Variants in PDE11A observed in about 807,000 individuals in gnomAD.
PDE11A encodes dual 3',5'-cyclic-AMP and -GMP phosphodiesterase 11A.
Under a neutral mutation model 100.5 loss-of-function variants are expected in PDE11A, and 100 were observed. The ratio of observed to expected loss-of-function variants is 1.00; its 90% confidence interval spans 0.85 to 1.18. The LOEUF (loss-of-function observed/expected upper bound fraction) is 1.18, where lower values mean the gene tolerates loss of function less well. Among genes scored for constraint, PDE11A ranks in the 50% most tolerant of loss-of-function variants. The pLI is 0.00. For synonymous variants in PDE11A, 381 were observed against 420.8 expected (o/e 0.91, Z 1.16); for missense variants, 1,141 against 1,152.6 (o/e 0.99, Z 0.15).
chr2:178,026,695 T>A (rs2086483363), intron 1 of PDE11A, among the ~76,000 whole-genome samples: 1 of 152,086 alleles, frequency 6.6e-6, no homozygotes. Context: ...AGTAATTTTT[T>A]AAAATCTGCT....
At chr2:177,738,748 G>A (rs2081830576) in intron 10 of PDE11A, among the ~76,000 whole-genome samples, 1 of 152,118 alleles carries the variant, frequency 6.6e-6, no homozygotes, top group African/African-American at 2.4e-5. Flanking sequence ...CATATTCCAT[G>A]GTGCTTGATA....
intron 9 of PDE11A, among the ~76,000 whole-genome samples, chr2:177,805,949 T>C (rs1182405764): frequency 6.6e-6 from 1 of 152,218 alleles, no homozygotes; most frequent in African/African-American, 2.4e-5. Flanking sequence ...AAGCCTTTTA[T>C]AGACCAATAA....
chr2:177,653,068 G>T (rs975476516), intron 19 of PDE11A, among the ~76,000 whole-genome samples: 1 of 152,156 alleles, frequency 6.6e-6, no homozygotes, highest in South Asian at 2.1e-4. Flanking sequence ...CATTTTAAGG[G>T]CATCCTGCAG....
At chr2:177,823,192 C>T (rs1345077792) in intron 6 of PDE11A, among the ~76,000 whole-genome samples, 1 of 151,916 alleles carries the variant, frequency 6.6e-6, no homozygotes, top group Non-Finnish European at 1.5e-5. Context: ...ATTTATTTAC[C>T]ACCTTCTATG....
intron 1 of PDE11A, among the ~76,000 whole-genome samples, chr2:178,042,133 A>G (rs2086690099): frequency 6.6e-6 from 1 of 152,190 alleles, no homozygotes; most frequent in Admixed American, 6.5e-5. Flanking sequence ...GGCTTCACAT[A>G]CCTCATAAAT....
intron 1 of PDE11A, among the ~76,000 whole-genome samples, chr2:178,068,519 A>AT (rs1178411618): frequency 2.0e-5 from 3 of 152,008 alleles, no homozygotes; most frequent in Admixed American, 6.6e-5. Context: ...ATTCTGTGTG[A>AT]TAAAAAAAAA....
intron 2 of PDE11A, among the ~76,000 whole-genome samples, chr2:177,920,923 G>T (rs1009973551): frequency 6.6e-6 from 1 of 151,858 alleles, no homozygotes; most frequent in Non-Finnish European, 1.5e-5. Context: ...TTAGCCGGGC[G>T]TGGTGGTGGG....
intron 1 of PDE11A, among the ~76,000 whole-genome samples, chr2:178,049,928 G>T (rs574611368): frequency 6.4e-4 from 97 of 152,294 alleles, no homozygotes; most frequent in Non-Finnish European, 1.2e-3. Context: ...CTGGTGCAGG[G>T]TATAGCTGAA....
intron 2 of PDE11A, among the ~76,000 whole-genome samples, chr2:178,080,404 T>C (rs776498523): frequency 3.3e-5 from 5 of 152,210 alleles, no homozygotes; most frequent in African/African-American, 4.8e-5. Context: ...AAATAGGGAA[T>C]CCTTTCCCCA....
At chr2:177,992,677 T>C (rs2086018569) in intron 2 of PDE11A, among the ~76,000 whole-genome samples, 2 of 152,178 alleles carry the variant, frequency 1.3e-5, no homozygotes, top group Admixed American at 1.3e-4. Context: ...AAGCACTCTT[T>C]TAAGATACTT....
At chr2:177,951,400 G>A (rs2085503872) in intron 2 of PDE11A, among the ~76,000 whole-genome samples, 1 of 152,090 alleles carries the variant, frequency 6.6e-6, no homozygotes, top group African/African-American at 2.4e-5. Context: ...ACTTATCAAT[G>A]GAATTCAATG....
At chr2:177,887,040 C>T (rs1558992046) in intron 4 of PDE11A, among the ~76,000 whole-genome samples, 1 of 152,114 alleles carries the variant, frequency 6.6e-6, no homozygotes, top group Admixed American at 6.5e-5. Context: ...GAAACTGAAC[C>T]AAGCTGCCTC....
intron 1 of PDE11A, among the ~76,000 whole-genome samples, chr2:178,025,732 C>T (rs71423545): frequency 0.068 from 10,348 of 152,168 alleles, 471 homozygotes; most frequent in South Asian, 0.12. Context: ...TAAAATGCAA[C>T]CTCATGCTCT....
At chr2:178,044,829 T>A (rs909756553) in intron 1 of PDE11A, among the ~76,000 whole-genome samples, 11 of 152,196 alleles carry the variant, frequency 7.2e-5, no homozygotes, top group African/African-American at 2.7e-4. Flanking sequence ...AAACTCTCCA[T>A]TTCCCAAATT....
In PDE11A at chr2:177,927,044, A is replaced by C. The variant is rs572554211; in HGVS notation, c.1072-21857T>G. The C allele has an allele frequency of 4.6e-5, 7 of 152,316 alleles. No homozygotes were observed. In the East Asian group the frequency reaches 1.4e-3, roughly 29 times the overall value. 9.4% of individuals were successfully genotyped at this position (152,316 alleles called of 1,614,324 possible). ...TCCCCAGCAACTCCCTACTGCCTTC[A>C]GGTCAGGGCATTCCTGGACCTTCAC... On this transcript the variant is annotated intron_variant, in intron 2 of 19. Coordinates refer to ENST00000286063, the MANE Select transcript of PDE11A (RefSeq NM_016953.4).
chr2:177,847,573 C>T (rs564006680), intron 5 of PDE11A, among the ~76,000 whole-genome samples: 6 of 152,286 alleles, frequency 3.9e-5, no homozygotes, highest in African/African-American at 1.2e-4. Context: ...AATTGTAAGA[C>T]GACAGACACC....
chr2:177,871,152 C>T (rs2084124271), intron 5 of PDE11A, among the ~76,000 whole-genome samples: 1 of 152,058 alleles, frequency 6.6e-6, no homozygotes, highest in Non-Finnish European at 1.5e-5. Flanking sequence ...TTTGTGCATC[C>T]CTTTCCCTAT....
rs139257304 is a variant in PDE11A at position 178,064,045 on chromosome 2, C to T, written c.912+7481G>A. On this transcript the variant is annotated intron_variant, in intron 1 of 19. Transcript: ENST00000286063. Reference sequence around the variant, plus strand: ...AAAATGCTTTTCCATTATCTCATTGCCATCTAATGATTAGATTTGATGATT... The same window carrying T: ...AAAATGCTTTTCCATTATCTCATTGTCATCTAATGATTAGATTTGATGATT... 1.3e-3 allele frequency among the ~76,000 whole-genome samples: 192 copies of T among 152,248 alleles called. 2 individuals are homozygous for T. The highest frequency in any genetic ancestry group is 4.5e-3 in the African/African-American group (185 of 41,536).
At chr2:177,738,283 G>A (rs978695508) in intron 10 of PDE11A, among the ~76,000 whole-genome samples, 4 of 152,092 alleles carry the variant, frequency 2.6e-5, no homozygotes, top group East Asian at 1.9e-4. Context: ...CAAGAAGAAG[G>A]TAGGTCCTTG....
Sources: gnomAD v4.1 joint callset for allele counts (sites outside exome capture counted in the v4.1 genomes callset) on GRCh38, gnomAD v4.1.1 for gene constraint, MANE v1.5 for transcripts, NCBI Gene and HGNC (gene_info 2026-07-23, HGNC 2026-07-21) for gene names.